Variants in CSNK2A2IP observed in about 807,000 individuals in gnomAD.
CSNK2A2IP encodes casein kinase 2 subunit alpha' interacting protein.
the CSNK2A2IP span, among the ~76,000 whole-genome samples, chr3:88,365,048 T>G: frequency 1.3e-5 from 2 of 152,260 alleles, no homozygotes; most frequent in Non-Finnish European, 2.9e-5. Flanking sequence ...TGCCCAAGTT[T>G]ACACAGCTAG....
chr3:88,394,206 C>T, the CSNK2A2IP span, among the ~76,000 whole-genome samples: 3 of 152,126 alleles, frequency 2.0e-5, no homozygotes, highest in Admixed American at 2.0e-4. Context: ...TGTATGTTCA[C>T]CTTTGTAGCA....
the CSNK2A2IP span, among the ~76,000 whole-genome samples, chr3:88,374,876 CAAT>C: frequency 6.6e-6 from 1 of 151,576 alleles, no homozygotes; most frequent in Non-Finnish European, 1.5e-5. Context: ...TACAGATTCC[CAAT>C]GGATGACGAC....
the CSNK2A2IP span, among the ~76,000 whole-genome samples, chr3:88,401,061 A>T: frequency 6.6e-6 from 1 of 152,178 alleles, no homozygotes; most frequent in Non-Finnish European, 1.5e-5. Context: ...GCAATTTTTT[A>T]TGACAAAAAA....
the CSNK2A2IP span, among the ~76,000 whole-genome samples, chr3:88,391,770 T>C: frequency 1.3e-5 from 2 of 152,148 alleles, no homozygotes; most frequent in Admixed American, 6.6e-5. Context: ...GTTGTAGAGG[T>C]AGAAAGTCAT....
At chr3:88,417,760 C>A in the CSNK2A2IP span, among the ~76,000 whole-genome samples, 47 of 152,260 alleles carry the variant, frequency 3.1e-4, no homozygotes, top group African/African-American at 1.1e-3. Context: ...TAAATCAGCT[C>A]TTTCTTTTTT....
At chr3:88,355,017 T>C in the CSNK2A2IP span, among the ~76,000 whole-genome samples, 1 of 152,080 alleles carries the variant, frequency 6.6e-6, no homozygotes, top group African/African-American at 2.4e-5. Context: ...CTATCATGGA[T>C]GCCAAGGTAG....
At chr3:88,407,605 C>T in the CSNK2A2IP span, among the ~76,000 whole-genome samples, 3 of 152,170 alleles carry the variant, frequency 2.0e-5, no homozygotes, top group Non-Finnish European at 1.5e-5. Context: ...AGGCTGAGAA[C>T]ACACATTTTA....
the CSNK2A2IP span, among the ~76,000 whole-genome samples, chr3:88,400,859 A>G: frequency 2.0e-5 from 3 of 152,340 alleles, no homozygotes; most frequent in African/African-American, 2.4e-5. Flanking sequence ...AAACTAATGT[A>G]AAAGTGTTCA....
the CSNK2A2IP span, among the ~76,000 whole-genome samples, chr3:88,362,752 T>C: frequency 2.0e-5 from 3 of 152,306 alleles, no homozygotes; most frequent in South Asian, 2.1e-4. Context: ...AGAAATGATG[T>C]TCAGGAGCAA....
the CSNK2A2IP span, among the ~76,000 whole-genome samples, chr3:88,448,724 C>G: frequency 1.3e-5 from 2 of 152,160 alleles, no homozygotes; most frequent in Non-Finnish European, 2.9e-5. Context: ...CTACTCACAG[C>G]GAACCTGCAG....
chr3:88,412,184 A>C, the CSNK2A2IP span, among the ~76,000 whole-genome samples: 20 of 152,066 alleles, frequency 1.3e-4, 1 homozygote, highest in African/African-American at 4.8e-4. Context: ...AATAAATATA[A>C]TATATTTATA....
At chr3:88,421,725 T>G in the CSNK2A2IP span, among the ~76,000 whole-genome samples, 1 of 152,050 alleles carries the variant, frequency 6.6e-6, no homozygotes, top group Non-Finnish European at 1.5e-5. Context: ...CCTTGTAGTA[T>G]TTTAAAATTA....
At chr3:88,448,911 G>A in the CSNK2A2IP span, among the ~76,000 whole-genome samples, 1 of 152,164 alleles carries the variant, frequency 6.6e-6, no homozygotes, top group South Asian at 2.1e-4. Flanking sequence ...TATAAATTCT[G>A]TTTATAAATG....
the CSNK2A2IP span, among the ~76,000 whole-genome samples, chr3:88,458,917 C>T: frequency 6.6e-6 from 1 of 152,122 alleles, no homozygotes; most frequent in South Asian, 2.1e-4. Context: ...TACAATATTG[C>T]TGTGAATATT....
chr3:88,418,053 T>A, the CSNK2A2IP span, among the ~76,000 whole-genome samples: 6 of 152,346 alleles, frequency 3.9e-5, no homozygotes, highest in Non-Finnish European at 5.9e-5. Flanking sequence ...AATGTGATTA[T>A]GTCTGAACAT....
the CSNK2A2IP span, among the ~76,000 whole-genome samples, chr3:88,356,509 A>G: frequency 6.6e-6 from 1 of 152,120 alleles, no homozygotes. Flanking sequence ...TTAATGAACA[A>G]TTAGGTTGAT....
At chr3:88,403,441 T>A in the CSNK2A2IP span, among the ~76,000 whole-genome samples, 1 of 152,098 alleles carries the variant, frequency 6.6e-6, no homozygotes, top group African/African-American at 2.4e-5. Flanking sequence ...TTAGAGAATA[T>A]CTTACTCATT....
chr3:88,367,753 T>C, the CSNK2A2IP span, among the ~76,000 whole-genome samples: 9 of 152,124 alleles, frequency 5.9e-5, no homozygotes, highest in Non-Finnish European at 2.9e-5. Flanking sequence ...TCCTGTGTTA[T>C]CTAAATAATT....
At chr3:88,435,778 A>C in the CSNK2A2IP span, among the ~76,000 whole-genome samples, 2 of 144,418 alleles carry the variant, frequency 1.4e-5, no homozygotes, top group East Asian at 4.1e-4. Context: ...TCTCTTAGCT[A>C]AATAAGAAGA....
Sources: allele counts gnomAD v4.1 joint callset (sites outside exome capture counted in the v4.1 genomes callset), GRCh38; gene constraint gnomAD v4.1.1; transcripts MANE v1.5; gene names NCBI Gene and HGNC (gene_info 2026-07-23, HGNC 2026-07-21).